The following GNB4 variants were observed in gnomAD, a reference collection of about 807,000 sequenced individuals.
GNB4 encodes guanine nucleotide-binding protein subunit beta-4.
A neutral mutation model predicts 45.2 loss-of-function variants in GNB4; 28 were observed. The ratio of observed to expected loss-of-function variants is 0.62; its 90% CI spans 0.46 to 0.85. The LOEUF (loss-of-function observed/expected upper bound fraction) is 0.85. Ranked by LOEUF, GNB4 falls within the 40% of genes least tolerant of loss-of-function variation. GNB4 has a pLI of 0.00. For missense variants in GNB4, 321 were observed against 425.4 expected, an observed-to-expected ratio of 0.75 and a Z score of 2.16; for synonymous variants, 132 against 143.7, an observed-to-expected ratio of 0.92 and a Z score of 0.58.
chr3:179,525,813 T>C, the GNB4 span, among the ~76,000 whole-genome samples: 1 of 152,312 alleles, frequency 6.6e-6, no homozygotes, highest in South Asian at 2.1e-4. Flanking sequence ...AAAAGACCAC[T>C]TACCTGATTT....
intron 9 of GNB4, among the ~76,000 whole-genome samples, chr3:179,404,257 ATC>A (rs1346051515): frequency 6.6e-6 from 1 of 152,244 alleles, no homozygotes; most frequent in Non-Finnish European, 1.5e-5. Flanking sequence ...TCTAAACAAA[ATC>A]TATCATATGG....
chr3:179,420,814 T>A lies in GNB4; in HGVS notation c.96+75A>T, dbSNP rs548523071. On this transcript the variant is annotated intron_variant, in intron 3 of 9. Coordinates refer to ENST00000232564, the MANE Select transcript of GNB4 (RefSeq NM_021629.4). ...TTTCAATTAAGCACTAATACAAGAA[T>A]CTGAATGTCATTTGCCTCTATGTCA... 6 of 897,656 alleles carry A rather than the reference T, an allele frequency of 6.7e-6. No individual in the cohort carries two copies. In the East Asian group the frequency reaches 1.5e-4, roughly 22 times the overall value. 55.6% of individuals were successfully genotyped at this position (897,656 alleles called of 1,614,324 possible). A position where few individuals can be genotyped will look rare whatever the true frequency, so the allele number is the denominator to read the frequency against.
At chr3:179,430,106 ACAGACAG>A (rs1279165551) in intron 1 of GNB4, among the ~76,000 whole-genome samples, 26 of 150,976 alleles carry the variant, frequency 1.7e-4, no homozygotes, top group Admixed American at 1.4e-3. Flanking sequence ...AGACAGACAG[ACAGACAG>A]ACAAAGGCCT....
chr3:179,440,880 T>TAGAGAGAGAGAGAGAGAGAGAGAG lies in GNB4; in HGVS notation c.-43+10465_-43+10466insCTCTCTCTCTCTCTCTCTCTCTCT, dbSNP rs141411562. Among the ~76,000 whole-genome samples, 313 of 149,076 alleles carry TAGAGAGAGAGAGAGAGAGAGAGAG rather than the reference T, an allele frequency of 2.1e-3. 1 individual carries two copies. The highest frequency in any genetic ancestry group is 7.5e-3 in the African/African-American group (303 of 40,524). ...AAAAATTCCTATATATATAGATAGA[T>TAGAGAGAGAGAGAGAGAGAGAGAG]AGAGAGAGAGAGAGAGAGAGAGATA... On this transcript the variant is annotated intron_variant, in intron 1 of 9. Transcript: ENST00000232564.
At chr3:179,417,555 GCAC>G (rs1216026582) in intron 4 of GNB4, among the ~76,000 whole-genome samples, 1 of 151,952 alleles carries the variant, frequency 6.6e-6, no homozygotes, top group Non-Finnish European at 1.5e-5. Flanking sequence ...TAACAGGTGT[GCAC>G]CACCACGACT....
chr3:179,500,833 C>G, the GNB4 span, among the ~76,000 whole-genome samples: 1 of 152,118 alleles, frequency 6.6e-6, no homozygotes, highest in African/African-American at 2.4e-5. Context: ...GTATTTTATT[C>G]TCTTTGTAGC....
chr3:179,520,558 G>A, the GNB4 span, among the ~76,000 whole-genome samples: 2 of 152,080 alleles, frequency 1.3e-5, no homozygotes, highest in Non-Finnish European at 2.9e-5. Context: ...CACAAACTAT[G>A]CTCAACTCAC....
At chr3:179,454,381 T>C (rs574859723), upstream of GNB4, among the ~76,000 whole-genome samples, 1 of 152,346 alleles carries the variant, frequency 6.6e-6, no homozygotes, top group East Asian at 1.9e-4. Flanking sequence ...CTGCTTGTTT[T>C]ATGCAAATAA....
At chr3:179,476,534 G>C in the GNB4 span, among the ~76,000 whole-genome samples, 16,825 of 152,168 alleles carry the variant, frequency 0.11, 1,250 homozygotes, top group East Asian at 0.33. Flanking sequence ...ATTGCTCTAG[G>C]GGGGACCCTC....
At chr3:179,473,509 C>T in the GNB4 span, among the ~76,000 whole-genome samples, 230 of 152,078 alleles carry the variant, frequency 1.5e-3, 1 homozygote, top group Middle Eastern at 3.4e-3. Flanking sequence ...GATAATAGCT[C>T]AATGAAGGCT....
At chr3:179,407,243 G>A (rs1714499726) in intron 8 of GNB4, among the ~76,000 whole-genome samples, 1 of 152,154 alleles carries the variant, frequency 6.6e-6, no homozygotes, top group South Asian at 2.1e-4. Context: ...CAGATCACCT[G>A]AGGTCAGGAG....
the GNB4 span, among the ~76,000 whole-genome samples, chr3:179,521,123 T>G: frequency 1.3e-5 from 2 of 152,044 alleles, no homozygotes; most frequent in East Asian, 3.9e-4. Flanking sequence ...CTAAAATACC[T>G]CTTAGTCTTG....
chr3:179,499,156 T>G, the GNB4 span, among the ~76,000 whole-genome samples: 6 of 26,302 alleles, frequency 2.3e-4, no homozygotes, highest in African/African-American at 5.3e-4. Flanking sequence ...CCACATTTTC[T>G]TTTTTTTTTT....
upstream of GNB4, among the ~76,000 whole-genome samples, chr3:179,452,209 C>G (rs978811803): frequency 6.5e-5 from 9 of 139,118 alleles, no homozygotes; most frequent in African/African-American, 2.6e-4. Flanking sequence ...CCACATGCAT[C>G]TCAATCGAGT....
chr3:179,445,058 A>G (rs767487638), intron 1 of GNB4, among the ~76,000 whole-genome samples: 4 of 152,192 alleles, frequency 2.6e-5, no homozygotes, highest in Non-Finnish European at 4.4e-5. Flanking sequence ...AAAATCCTAT[A>G]TAAGAGCCTA....
chr3:179,492,714 T>C, the GNB4 span, among the ~76,000 whole-genome samples: 1 of 152,274 alleles, frequency 6.6e-6, no homozygotes, highest in Non-Finnish European at 1.5e-5. Flanking sequence ...TCCGCAGCCA[T>C]TCTGAGCACC....
In GNB4 at chr3:179,396,604, T is replaced by C. The variant is rs1008834938; in HGVS notation, c.*4609A>G. 1 of 152,228 alleles carries C rather than the reference T, an allele frequency of 6.6e-6. No individual in the cohort carries two copies. The highest frequency in any genetic ancestry group is 1.5e-5 in the Non-Finnish European group (1 of 68,030). 9.4% of individuals were successfully genotyped at this position (152,228 alleles called of 1,614,324 possible). A position where few individuals can be genotyped will look rare whatever the true frequency, so the allele number is the denominator to read the frequency against. ...AATACATTTAACACCAGTTGGAATA[T>C]AGCTTTTTCCCCCCCGTAATGCTGC... On this transcript the variant is annotated 3_prime_UTR_variant, in exon 10 of 10. Coordinates refer to ENST00000232564, the MANE Select transcript of GNB4 (RefSeq NM_021629.4).
chr3:179,456,231 A>G (rs1479602448), upstream of GNB4, among the ~76,000 whole-genome samples: 1 of 151,134 alleles, frequency 6.6e-6, no homozygotes, highest in Non-Finnish European at 1.5e-5. Flanking sequence ...AGGTGGGATT[A>G]TAGGCATGTG....
the GNB4 span, among the ~76,000 whole-genome samples, chr3:179,508,930 G>GTATATATATATATATATATATA: frequency 9.9e-3 from 463 of 46,814 alleles, 11 homozygotes; most frequent in South Asian, 0.017. Context: ...CTTTCAGCAT[G>GTATATATATATATATATATATA]TGTATATATA....
Sources: allele counts gnomAD v4.1 joint callset (sites outside exome capture counted in the v4.1 genomes callset), GRCh38; gene constraint gnomAD v4.1.1; transcripts MANE v1.5; gene names NCBI Gene and HGNC (gene_info 2026-07-23, HGNC 2026-07-21).